TIAM2: variants seen among roughly 807,000 people sequenced by gnomAD.
TIAM2 encodes TIAM Rac1 associated GEF 2.
In TIAM2, 80 loss-of-function variants were observed where a neutral mutation model predicts 152.9. That is an observed-to-expected ratio of 0.52 (90% confidence interval 0.44 to 0.63). TIAM2 has a LOEUF of 0.63. TIAM2 is among the 30% of genes least tolerant of loss of function. The probability of loss-of-function intolerance (pLI) is 0.00; values close to 1 mark genes in which losing one functional copy is unlikely to be tolerated. For synonymous variants in TIAM2, 804 were observed against 838.0 expected (o/e 0.96, Z 0.70); for missense variants, 1,965 against 2,120.1 (o/e 0.93, Z 1.44).
At chr6:155,023,539 C>T (rs1159497402) in intron 1 of TIAM2, among the ~76,000 whole-genome samples, 2 of 152,096 alleles carry the variant, frequency 1.3e-5, no homozygotes, top group East Asian at 1.9e-4. Flanking sequence ...GATTTTGCAG[C>T]CCTGACAGGT....
chr6:155,063,557 GC>G (rs1473206269), intron 1 of TIAM2, among the ~76,000 whole-genome samples: 11 of 152,246 alleles, frequency 7.2e-5, no homozygotes, highest in Admixed American at 7.2e-4. Context: ...GCCGAGGTGG[GC>G]GGATCACAAG....
At position 155,046,117 on chromosome 6, in the gene TIAM2, C is replaced by T. The variant is rs79179294; in HGVS notation, c.-208-44172C>T. ...TCCCGTGGAAGGAGGCTTCCCACCT[C>T]CCGAGGTTTGGGCTGTGGTTTTCCC... On this transcript the variant is annotated intron_variant, in intron 1 of 26. Coordinates refer to ENST00000682666, the MANE Select transcript of TIAM2 (RefSeq NM_012454.4). Among the ~76,000 whole-genome samples the T allele has an allele frequency of 5.6e-3, 851 of 151,988 alleles. 8 individuals are homozygous for T. The highest frequency in any genetic ancestry group is 0.018 in the African/African-American group (758 of 41,442).
chr6:155,206,478 G>GA (rs1480531454), intron 14 of TIAM2, among the ~76,000 whole-genome samples: 1 of 152,064 alleles, frequency 6.6e-6, no homozygotes, highest in Non-Finnish European at 1.5e-5. Context: ...CTCGTGATCT[G>GA]CCCCCCTCAG....
intron 2 of TIAM2, chr6:155,121,808 TCTC>T (rs925673080): frequency 1.3e-5 from 2 of 152,292 alleles, no homozygotes; most frequent in Non-Finnish European, 2.9e-5. Context: ...CAGCTGTAGA[TCTC>T]CTTTTTTGCA....
At position 155,245,740 on chromosome 6, in the gene TIAM2, C is replaced by A; in HGVS notation, c.3652+9C>A. ...GAAGGTTCTGGAGCGAGGTAAGTTG[C>A]TTATGCCTTTTATAGTTTTTTTTTT... On this transcript the variant is annotated intron_variant, in intron 19 of 26. Transcript: ENST00000682666. The A allele has an allele frequency of 7.6e-7, 1 of 1,323,656 alleles. No individual in the cohort carries two copies. The highest frequency in any genetic ancestry group is 2.4e-5 in the Admixed American group (1 of 42,086). 82.0% of individuals were successfully genotyped at this position (1,323,656 alleles called of 1,614,324 possible).
intron 23 of TIAM2, among the ~76,000 whole-genome samples, chr6:155,252,319 A>G (rs983164033): frequency 6.6e-6 from 1 of 152,088 alleles, no homozygotes; most frequent in Non-Finnish European, 1.5e-5. Flanking sequence ...CAAAAATACA[A>G]GTAACTGGGT....
chr6:155,147,176 C>CTTTTTTTTTTTTT (rs3028764), intron 6 of TIAM2, among the ~76,000 whole-genome samples: 1 of 143,334 alleles, frequency 7.0e-6, no homozygotes, highest in Non-Finnish European at 1.5e-5. Context: ...TTACATTGTT[C>CTTTTTTTTTTTTT]TTTTTTTTTT....
At chr6:155,177,393 A>G (rs187875068) in intron 10 of TIAM2, among the ~76,000 whole-genome samples, 2 of 152,338 alleles carry the variant, frequency 1.3e-5, no homozygotes, top group East Asian at 3.9e-4. Context: ...AACTTGATAT[A>G]TTCACAGTTG....
At chr6:155,010,395 G>A (rs542421296) in intron 1 of TIAM2, among the ~76,000 whole-genome samples, 3 of 152,330 alleles carry the variant, frequency 2.0e-5, no homozygotes, top group African/African-American at 7.2e-5. Context: ...ATGTGGCTGT[G>A]ATCTTTGTGT....
At chr6:155,052,813 T>C (rs1777347030) in intron 1 of TIAM2, among the ~76,000 whole-genome samples, 1 of 151,520 alleles carries the variant, frequency 6.6e-6, no homozygotes, top group Non-Finnish European at 1.5e-5. Context: ...TAGCCTGATA[T>C]GCAACATAGG....
chr6:155,166,326 T>A (rs1177550382), intron 9 of TIAM2, among the ~76,000 whole-genome samples: 1 of 148,112 alleles, frequency 6.8e-6, no homozygotes, highest in African/African-American at 2.5e-5. Flanking sequence ...CTTCTCTTTT[T>A]TTTTTTTCTT....
Position 155,240,527 on chromosome 6 carries a change from C to G in TIAM2, c.3169-3C>G. 6.2e-7 allele frequency: 1 copy of G among 1,602,296 alleles called. No individual in the cohort carries two copies. Among genetic ancestry groups the G allele is most frequent in the Non-Finnish European group, 8.5e-7 (1 of 1,171,358 alleles). Reference sequence around the variant, plus strand: ...TTATTTTCCACCTCTTGTCCTCTCTCAGAGTGCTGAGCAGATCACTGCACT... The same window carrying G: ...TTATTTTCCACCTCTTGTCCTCTCTGAGAGTGCTGAGCAGATCACTGCACT... On this transcript the variant is annotated splice_region_variant and splice_polypyrimidine_tract_variant and intron_variant, in intron 15 of 26. Coordinates refer to ENST00000682666, the MANE Select transcript of TIAM2 (RefSeq NM_012454.4).
intron 15 of TIAM2, chr6:155,216,810 C>A: frequency 1.2e-6 from 1 of 826,980 alleles, no homozygotes; most frequent in Non-Finnish European, 1.6e-6. Flanking sequence ...TGTGGTAACC[C>A]GGTGCCTTTC....
chr6:155,239,711 G>A (rs764385131), intron 15 of TIAM2, among the ~76,000 whole-genome samples: 3 of 152,152 alleles, frequency 2.0e-5, no homozygotes, highest in African/African-American at 7.2e-5. Context: ...GACTGGGAGC[G>A]AGTATTTCCT....
chr6:155,183,221 C>G lies in TIAM2; in HGVS notation c.2801-16C>G, dbSNP rs1011051563. ...ATCCCTCTCTCTTTTTTCTGTTTCT[C>G]CTTCCTTTTTCTCAGGGCTGAGAAA... On this transcript the variant is annotated splice_polypyrimidine_tract_variant and intron_variant, in intron 13 of 26. Coordinates refer to ENST00000682666, the MANE Select transcript of TIAM2 (RefSeq NM_012454.4). The G allele has an allele frequency of 3.3e-5, 53 of 1,598,372 alleles. No individual in the cohort carries two copies. The highest frequency in any genetic ancestry group is 4.5e-5 in the Non-Finnish European group (53 of 1,173,386).
At chr6:155,125,942 A>T (rs1162936764) in intron 2 of TIAM2, among the ~76,000 whole-genome samples, 2 of 152,210 alleles carry the variant, frequency 1.3e-5, no homozygotes, top group East Asian at 3.8e-4. Flanking sequence ...AAATAGAATA[A>T]CCTAATGCTA....
At chr6:155,142,059 G>A (rs749446540) in intron 5 of TIAM2, among the ~76,000 whole-genome samples, 1 of 151,752 alleles carries the variant, frequency 6.6e-6, no homozygotes, top group African/African-American at 2.4e-5. Context: ...GAACGGCAAG[G>A]CAGGGCTGGT....
chr6:155,153,784 G>T (rs1251152287), intron 7 of TIAM2, among the ~76,000 whole-genome samples: 1 of 151,996 alleles, frequency 6.6e-6, no homozygotes, highest in Non-Finnish European at 1.5e-5. Flanking sequence ...ACTACGCCCA[G>T]CTAATTTTTG....
In TIAM2 at chr6:155,256,893, A is replaced by C; in HGVS notation, c.4878A>C (p.Lys1626Asn). 1 of 1,614,192 alleles carries C rather than the reference A, an allele frequency of 6.2e-7. No homozygotes were observed. The highest frequency in any genetic ancestry group is 8.5e-7 in the Non-Finnish European group (1 of 1,180,028). The change falls in exon 27 of 27, where the codon AAA becomes AAC. Residue 1626 changes from lysine to asparagine, a missense_variant. By Grantham distance (94) the Lys-to-Asn change is moderately conservative (BLOSUM62 0). Coordinates refer to ENST00000682666, the MANE Select transcript of TIAM2 (RefSeq NM_012454.4). ...GEGQKGGEQP[K>N]LVRGHFCPIK... Reference sequence around the variant, plus strand: ...GTCAGAAAGGAGGAGAGCAGCCCAAACTGGTCCGGGGGCACTTCTGCCCCA... The same window carrying C: ...GTCAGAAAGGAGGAGAGCAGCCCAACCTGGTCCGGGGGCACTTCTGCCCCA...
Sources: gnomAD v4.1 joint callset for allele counts (sites outside exome capture counted in the v4.1 genomes callset) on GRCh38, gnomAD v4.1.1 for gene constraint, MANE v1.5 for transcripts, NCBI Gene and HGNC (gene_info 2026-07-23, HGNC 2026-07-21) for gene names.